Variants in ZNF385D observed in about 807,000 individuals in gnomAD.
The protein encoded by ZNF385D is zinc finger protein 385D.
Under a neutral mutation model 35.8 loss-of-function variants are expected in ZNF385D, and 15 were observed. The ratio of observed to expected loss-of-function variants is 0.42; its 90% CI spans 0.28 to 0.64. ZNF385D has a LOEUF of 0.64. ZNF385D is among the 30% of genes least tolerant of loss of function. The pLI is 0.23. For missense variants in ZNF385D, 474 were observed against 494.6 expected (o/e 0.96, Z 0.39); for synonymous variants, 212 against 186.8 (o/e 1.13, Z -1.10).
At chr3:21,905,225 A>C (rs1418835275) in intron 3 of ZNF385D, among the ~76,000 whole-genome samples, 2 of 147,674 alleles carry the variant, frequency 1.4e-5, no homozygotes, top group Non-Finnish European at 3.0e-5. Context: ...AAAAAAAAAA[A>C]AAACCCTAAA....
chr3:21,964,286 G>T (rs1702755926), intron 3 of ZNF385D, among the ~76,000 whole-genome samples: 1 of 150,672 alleles, frequency 6.6e-6, no homozygotes, highest in Non-Finnish European at 1.5e-5. Flanking sequence ...CATTGTATGT[G>T]TGAAAAACTA....
intron 3 of ZNF385D, among the ~76,000 whole-genome samples, chr3:21,780,979 G>A (rs569083300): frequency 2.0e-5 from 3 of 152,134 alleles, no homozygotes; most frequent in South Asian, 4.1e-4. Flanking sequence ...AGCTGACATA[G>A]CAACTACTTA....
intron 3 of ZNF385D, among the ~76,000 whole-genome samples, chr3:21,976,081 G>A (rs1703603262): frequency 6.6e-6 from 1 of 152,112 alleles, no homozygotes; most frequent in African/African-American, 2.4e-5. Context: ...CCATGTATAT[G>A]GGGAAAACTA....
intron 5 of ZNF385D, among the ~76,000 whole-genome samples, chr3:21,436,149 ATG>A (rs142483440): frequency 4.2e-4 from 63 of 149,330 alleles, no homozygotes; most frequent in Admixed American, 4.7e-4. Flanking sequence ...GACTGTGTGT[ATG>A]TGTGTGTGTG....
chr3:21,942,830 A>G (rs12639321), intron 3 of ZNF385D, among the ~76,000 whole-genome samples: 1 of 152,020 alleles, frequency 6.6e-6, no homozygotes, highest in African/African-American at 2.4e-5. Context: ...ATCCCTAATC[A>G]CAGATATAAT....
At chr3:21,869,683 C>A (rs1697581383) in intron 3 of ZNF385D, among the ~76,000 whole-genome samples, 3 of 151,984 alleles carry the variant, frequency 2.0e-5, no homozygotes. Flanking sequence ...GCTTTTACTG[C>A]AACATAAGAT....
At chr3:21,973,345 A>C (rs999683332) in intron 3 of ZNF385D, among the ~76,000 whole-genome samples, 1 of 152,002 alleles carries the variant, frequency 6.6e-6, no homozygotes, top group African/African-American at 2.4e-5. Flanking sequence ...GATGGTAAAA[A>C]AGCATTTGCT....
chr3:22,300,694 A>G (rs981695238), intron 2 of ZNF385D, among the ~76,000 whole-genome samples: 1 of 152,064 alleles, frequency 6.6e-6, no homozygotes, highest in Non-Finnish European at 1.5e-5. Flanking sequence ...AAAACGTTCA[A>G]TATCACTAAT....
intron 2 of ZNF385D, among the ~76,000 whole-genome samples, chr3:22,200,093 G>A (rs908899234): frequency 6.6e-6 from 1 of 152,018 alleles, no homozygotes. Context: ...GACAGAATAG[G>A]AACATCCAGA....
chr3:22,174,551 C>A (rs754954853), intron 2 of ZNF385D, among the ~76,000 whole-genome samples: 3 of 152,048 alleles, frequency 2.0e-5, no homozygotes, highest in African/African-American at 4.8e-5. Flanking sequence ...TAAAAGTTGG[C>A]AGATAGGAAT....
At chr3:22,209,854 A>G (rs1697402954) in intron 2 of ZNF385D, among the ~76,000 whole-genome samples, 1 of 151,856 alleles carries the variant, frequency 6.6e-6, no homozygotes, top group Non-Finnish European at 1.5e-5. Context: ...CTAACTGTAT[A>G]TTCAGCCTTA....
chr3:21,993,837 G>T (rs1333544929), intron 3 of ZNF385D, among the ~76,000 whole-genome samples: 8 of 152,076 alleles, frequency 5.3e-5, no homozygotes, highest in African/African-American at 1.9e-4. Flanking sequence ...CAGTGTTTCT[G>T]CCATGGTTAT....
chr3:22,304,429 ATGC>A (rs1278128699), intron 2 of ZNF385D, among the ~76,000 whole-genome samples: 9 of 152,270 alleles, frequency 5.9e-5, no homozygotes, highest in African/African-American at 2.2e-4. Context: ...ATTAATTTCA[ATGC>A]TGTGTGAAAA....
chr3:21,774,996 C>T (rs1042595442), intron 3 of ZNF385D, among the ~76,000 whole-genome samples: 2 of 151,800 alleles, frequency 1.3e-5, no homozygotes, highest in Non-Finnish European at 2.9e-5. Context: ...TCAACCACTG[C>T]AGTTAAAATA....
At chr3:21,959,751 A>T (rs1338807573) in intron 3 of ZNF385D, among the ~76,000 whole-genome samples, 2 of 152,180 alleles carry the variant, frequency 1.3e-5, no homozygotes, top group African/African-American at 4.8e-5. Flanking sequence ...AAGGTAACTT[A>T]TTTAACTGCT....
intron 3 of ZNF385D, among the ~76,000 whole-genome samples, chr3:21,938,321 G>C (rs1701358381): frequency 6.6e-6 from 1 of 152,320 alleles, no homozygotes; most frequent in Admixed American, 6.5e-5. Context: ...ACTCAGGGCA[G>C]TGTGACACAT....
intron 3 of ZNF385D, among the ~76,000 whole-genome samples, chr3:22,003,560 G>A (rs1429385109): frequency 6.6e-6 from 1 of 151,992 alleles, no homozygotes; most frequent in Non-Finnish European, 1.5e-5. Context: ...GTTTTTTACA[G>A]AAATGAAAAA....
chr3:21,580,547 C>CTTGCT (rs1220216432), intron 2 of ZNF385D, among the ~76,000 whole-genome samples: 2 of 151,974 alleles, frequency 1.3e-5, no homozygotes, highest in Non-Finnish European at 2.9e-5. Flanking sequence ...ACATTTTTTT[C>CTTGCT]TTGCTTTACT....
intron 3 of ZNF385D, among the ~76,000 whole-genome samples, chr3:21,950,192 G>A (rs7639569): frequency 0.26 from 39,782 of 151,436 alleles, 6,277 homozygotes; most frequent in Admixed American, 0.42. Context: ...AAGTGTTCCT[G>A]TTTCTCCACA....
Sources: allele counts gnomAD v4.1 joint callset (sites outside exome capture counted in the v4.1 genomes callset), GRCh38; gene constraint gnomAD v4.1.1; transcripts MANE v1.5; gene names NCBI Gene and HGNC (gene_info 2026-07-23, HGNC 2026-07-21).